TRAPPC9: variants seen among roughly 807,000 people sequenced by gnomAD.
The protein encoded by TRAPPC9 is IKK2 binding protein.
TRAPPC9 carries 83 observed loss-of-function variants against 124.0 expected under a neutral mutation model. The ratio of observed to expected loss-of-function variants is 0.67; its 90% CI spans 0.56 to 0.80. The LOEUF is 0.80. TRAPPC9 is among the 30% of genes least tolerant of loss of function. The pLI is 0.00. For synonymous variants in TRAPPC9, 638 were observed against 617.5 expected, an observed-to-expected ratio of 1.03 and a Z score of -0.49; for missense variants, 1,302 against 1,508.3, an observed-to-expected ratio of 0.86 and a Z score of 2.27.
At chr8:139,757,159 G>A (rs1231729998) in intron 21 of TRAPPC9, among the ~76,000 whole-genome samples, 2 of 137,688 alleles carry the variant, frequency 1.5e-5, no homozygotes, top group African/African-American at 5.7e-5. Flanking sequence ...GCAGGTCGCA[G>A]GAGGAGCCAG....
chr8:140,035,762 A>T (rs957266563), intron 17 of TRAPPC9, among the ~76,000 whole-genome samples: 4 of 152,178 alleles, frequency 2.6e-5, no homozygotes, highest in Non-Finnish European at 5.9e-5. Flanking sequence ...GGGCACTGTG[A>T]CTTCACCGGG....
chr8:140,041,228 C>G (rs1841258179), intron 17 of TRAPPC9, among the ~76,000 whole-genome samples: 1 of 152,106 alleles, frequency 6.6e-6, no homozygotes, highest in Non-Finnish European at 1.5e-5. Flanking sequence ...TTAGGAGAAT[C>G]ATGTATAATC....
rs544081271 is a variant in TRAPPC9 at position 140,087,284 on chromosome 8, G to C, written c.2557-63205C>G. Among the ~76,000 whole-genome samples, 3 of 151,964 alleles carry C rather than the reference G, an allele frequency of 2.0e-5. No individual in the cohort carries two copies. The highest frequency in any genetic ancestry group is 1.3e-4 in the Admixed American group (2 of 15,266). On this transcript the variant is annotated intron_variant, in intron 17 of 22. Transcript: ENST00000438773. The surrounding 1 kb of genome is among the most constrained non-coding windows in gnomAD (Gnocchi z 4.6). ...CGGCCCCATCACCCTGCAGATGTCG[G>C]GGTGCCTCGAAAGCACAGCACTCTA...
chr8:139,947,907 T>TATATATATATAGAGAGAGAGAG lies in TRAPPC9; in HGVS notation c.2811-37608_2811-37607insCTCTCTCTCTCTATATATATAT. Among the ~76,000 whole-genome samples the TATATATATATAGAGAGAGAGAG allele has an allele frequency of 4.0e-4, 24 of 60,358 alleles. No homozygotes were observed. In the Admixed American group the frequency reaches 4.4e-3, roughly 11 times the overall value. 39.6% of individuals were successfully genotyped at this position (60,358 alleles called of 152,430 possible). A position where few individuals can be genotyped will look rare whatever the true frequency, so the allele number is the denominator to read the frequency against. ...AGAAATATGTGTGTATATATATATA[T>TATATATATATAGAGAGAGAGAG]AGAGAGAGAGAGAGAGCGAGAGAGA... On this transcript the variant is annotated intron_variant, in intron 19 of 22. Transcript: ENST00000438773.
chr8:139,992,143 A>G (rs761658551), intron 18 of TRAPPC9, among the ~76,000 whole-genome samples: 1 of 152,252 alleles, frequency 6.6e-6, no homozygotes. Flanking sequence ...AAAAACAATT[A>G]CAAGACAAAC....
chr8:139,919,144 G>A (rs1015889398), intron 19 of TRAPPC9, among the ~76,000 whole-genome samples: 3 of 152,344 alleles, frequency 2.0e-5, no homozygotes, highest in Admixed American at 6.5e-5. Flanking sequence ...GGCTGCATTC[G>A]GGAAGGGGTG....
intron 17 of TRAPPC9, among the ~76,000 whole-genome samples, chr8:140,168,704 G>A (rs140033650): frequency 2.0e-4 from 30 of 152,338 alleles, no homozygotes; most frequent in African/African-American, 6.7e-4. Flanking sequence ...GGCCAGGAGA[G>A]GTGGTGCTGC....
Position 140,236,039 on chromosome 8 carries a change from C to T in TRAPPC9, c.2432-14456G>A, listed in dbSNP as rs1275562962. ...AGTATACAGTTGTGACACTTTAGGC[C>T]AAAGGAAAAAAGAAAACAAAAGAAA... On this transcript the variant is annotated intron_variant, in intron 16 of 22. Transcript: ENST00000438773. 4.1e-5 allele frequency among the ~76,000 whole-genome samples: 6 copies of T among 144,762 alleles called. No individual in the cohort carries two copies. The Admixed American group carries it at 4.2e-4, about 10-fold the overall frequency. 95.0% of individuals were successfully genotyped at this position (144,762 alleles called of 152,430 possible).
At position 140,311,388 on chromosome 8, in the gene TRAPPC9, G is replaced by A; in HGVS notation, c.1496-14C>T. ...CATCTTTCTTTTCTGAAGAGAAGAT[G>A]AAAACAAAATAAAGATGTATTAGGC... is the stretch of plus-strand genomic sequence containing the variant. On this transcript the variant is annotated splice_polypyrimidine_tract_variant and intron_variant, in intron 9 of 22. Coordinates refer to ENST00000438773, the MANE Select transcript of TRAPPC9 (RefSeq NM_001160372.4). The A allele has an allele frequency of 6.2e-7, 1 of 1,612,920 alleles. No individual in the cohort carries two copies. Among genetic ancestry groups the A allele is most frequent in the Non-Finnish European group, 8.5e-7 (1 of 1,179,870 alleles).
intron 17 of TRAPPC9, among the ~76,000 whole-genome samples, chr8:140,118,461 G>C (rs913203680): frequency 5.9e-5 from 9 of 152,236 alleles, no homozygotes; most frequent in African/African-American, 2.2e-4. Context: ...GACACCCTGT[G>C]AAGTCTCTTT....
chr8:140,213,052 C>A (rs974806143), intron 17 of TRAPPC9, among the ~76,000 whole-genome samples: 1 of 147,770 alleles, frequency 6.8e-6, no homozygotes, highest in Non-Finnish European at 1.5e-5. Flanking sequence ...AGCCTGGTGA[C>A]AGAGCAAGAC....
chr8:140,388,718 C>T (rs992188751), intron 7 of TRAPPC9, among the ~76,000 whole-genome samples: 7 of 151,300 alleles, frequency 4.6e-5, no homozygotes, highest in African/African-American at 1.7e-4. Flanking sequence ...CGTGGTGGTG[C>T]ATGCCTGTAA....
intron 7 of TRAPPC9, among the ~76,000 whole-genome samples, chr8:140,395,328 C>A (rs1289506218): frequency 6.6e-6 from 1 of 152,116 alleles, no homozygotes; most frequent in African/African-American, 2.4e-5. Context: ...GCCTCCCTAC[C>A]AACGTCTAAT....
chr8:140,173,573 A>G (rs2062008045), intron 17 of TRAPPC9, among the ~76,000 whole-genome samples: 1 of 151,700 alleles, frequency 6.6e-6, no homozygotes, highest in Admixed American at 6.6e-5. Flanking sequence ...AAAAAAAAAA[A>G]ATCTTCTGGT....
chr8:139,781,398 T>C (rs1563808441), intron 21 of TRAPPC9, among the ~76,000 whole-genome samples: 1 of 152,096 alleles, frequency 6.6e-6, no homozygotes, highest in South Asian at 2.1e-4. Flanking sequence ...GAAGCCAATA[T>C]GAAAAAGCTA....
chr8:140,185,574 C>T (rs902135542), intron 17 of TRAPPC9, among the ~76,000 whole-genome samples: 7 of 152,172 alleles, frequency 4.6e-5, no homozygotes, highest in African/African-American at 1.2e-4. Context: ...TCACTCCTGC[C>T]GTGTCCCACC....
At chr8:140,092,794 T>A (rs759905318) in intron 17 of TRAPPC9, among the ~76,000 whole-genome samples, 1 of 152,214 alleles carries the variant, frequency 6.6e-6, no homozygotes, top group Non-Finnish European at 1.5e-5. Flanking sequence ...ATTTTCCATA[T>A]TTTTGTATTT....
chr8:140,145,018 A>G (rs1425712420), intron 17 of TRAPPC9, among the ~76,000 whole-genome samples: 9 of 151,464 alleles, frequency 5.9e-5, no homozygotes, highest in Admixed American at 5.9e-4. Flanking sequence ...CTGAGATTAC[A>G]GGCGTGTGCC....
chr8:139,775,363 C>G (rs1486121223), intron 21 of TRAPPC9, among the ~76,000 whole-genome samples: 2 of 152,132 alleles, frequency 1.3e-5, no homozygotes, highest in Non-Finnish European at 2.9e-5. Context: ...TTATTCATTC[C>G]CTTTGTGTCT....
Sources: allele counts gnomAD v4.1 joint callset (sites outside exome capture counted in the v4.1 genomes callset), GRCh38; gene constraint gnomAD v4.1.1; non-coding constraint Gnocchi (gnomAD v3.1); transcripts MANE v1.5; gene names NCBI Gene and HGNC (gene_info 2026-07-23, HGNC 2026-07-21).